GCGR: variants seen among roughly 807,000 people sequenced by gnomAD.
GCGR encodes the protein glucagon receptor.
In GCGR, 41 loss-of-function variants were observed where a neutral mutation model predicts 56.1. The observed-to-expected ratio is 0.73, with a 90% CI of 0.57 to 0.95. GCGR has a LOEUF of 0.95. Ranked by LOEUF, GCGR falls within the 40% of genes least tolerant of loss-of-function variation. GCGR has a pLI of 0.00. For synonymous variants in GCGR, 278 were observed against 271.1 expected (o/e 1.03, Z -0.25); for missense variants, 595 against 638.2 (o/e 0.93, Z 0.73).
In GCGR at chr17:81,812,908, C is replaced by G; in HGVS notation, c.1139C>G (p.Ala380Gly). 8.5e-6 allele frequency: 13 copies of G among 1,536,138 alleles called. No individual in the cohort carries two copies. Among genetic ancestry groups the G allele is most frequent in the Non-Finnish European group, 1.1e-5 (13 of 1,146,772 alleles). ...DEHAQGTLRS[A>G]KLFFDLFLSS... ...CACGCCCAGGGCACCCTGCGCTCCGCCAAGCTCTTCTTCGACCTCTTCCTC... is the reference window on the plus strand; with the variant it reads ...CACGCCCAGGGCACCCTGCGCTCCGGCAAGCTCTTCTTCGACCTCTTCCTC... Residue 380 changes from alanine to glycine, a missense_variant, in exon 12 of 14, where the codon GCC becomes GGC. Transcript: ENST00000400723. The surrounding 1 kb of genome is among the most constrained non-coding windows in gnomAD (Gnocchi z 8.5).
rs961678918 is a variant in GCGR at position 81,804,507 on chromosome 17, G to A, written c.-178+258G>A. On this transcript the variant is annotated intron_variant, in intron 1 of 13. Transcript: ENST00000400723. This position sits in a 1 kb window ranked among gnomAD's most constrained non-coding sequence, Gnocchi z 8.2. ...CTCCCCCGTTCTCTGGTCCTGGGGG[G>A]CGCGGCTGGGGGCGGGGGTGTCGCT... is the stretch of plus-strand genomic sequence containing the variant. 2.0e-5 allele frequency among the ~76,000 whole-genome samples: 3 copies of A among 151,890 alleles called. No individual in the cohort carries two copies. Among genetic ancestry groups the A allele is most frequent in the Admixed American group, 6.6e-5 (1 of 15,264 alleles).
rs2037974515 is a variant in GCGR, at chr17:81,806,789, C to T, written c.-177-2053C>T. On this transcript the variant is annotated intron_variant, in intron 1 of 13. Transcript: ENST00000400723. The surrounding 1 kb of genome is among the most constrained non-coding windows in gnomAD (Gnocchi z 6.5). ...TCCCCCCAGGGTGAGCACGCGTCCC[C>T]CCCCACCCCCACTTCGAGGCGCCCA... Among the ~76,000 whole-genome samples the T allele has an allele frequency of 6.6e-6, 1 of 151,848 alleles. No homozygotes were observed. The highest frequency in any genetic ancestry group is 1.5e-5 in the Non-Finnish European group (1 of 67,908).
Position 81,812,793 on chromosome 17 carries a change from C to T in GCGR, c.1038-14C>T, listed in dbSNP as rs574578390. 30 of 1,535,494 alleles carry T rather than the reference C, an allele frequency of 2.0e-5. No homozygotes were observed. In the East Asian group the frequency reaches 3.7e-4, roughly 19 times the overall value. On this transcript the variant is annotated splice_polypyrimidine_tract_variant and intron_variant, in intron 11 of 13. Transcript: ENST00000400723. This position sits in a 1 kb window ranked among gnomAD's most constrained non-coding sequence, Gnocchi z 8.5. ...GGGTGGGGGCGGTGGGTGACTCAGG[C>T]GCTGCCTCTGCAGGCTGGCCAAGTC...
rs1046896088 is a variant in GCGR at position 81,811,563 on chromosome 17, G to C, written c.657+3G>C. 24 of 1,536,256 alleles carry C rather than the reference G, an allele frequency of 1.6e-5. No homozygotes were observed. The highest frequency in any genetic ancestry group is 2.1e-5 in the Non-Finnish European group (24 of 1,146,842). The stretch of plus-strand genomic sequence containing the variant: ...TCAGCACCTGGCTCAGTGATGGAGT[G>C]AGCCCCCCTCGGCGGCCCCAGGCAG... On this transcript the variant is annotated splice_donor_region_variant and intron_variant, in intron 7 of 13. Transcript: ENST00000400723. The surrounding 1 kb of genome is among the most constrained non-coding windows in gnomAD (Gnocchi z 5.8).
Position 81,804,378 on chromosome 17 carries a change from C to A in GCGR, c.-178+129C>A. 6.5e-6 allele frequency: 1 copy of A among 152,992 alleles called. No homozygotes were observed. The highest frequency in any genetic ancestry group is 1.8e-4 in the South Asian group (1 of 5,538). 9.5% of individuals were successfully genotyped at this position (152,992 alleles called of 1,614,324 possible). A position where few individuals can be genotyped will look rare whatever the true frequency, so the allele number is the denominator to read the frequency against. On this transcript the variant is annotated intron_variant, in intron 1 of 13. Transcript: ENST00000400723. The surrounding 1 kb of genome is among the most constrained non-coding windows in gnomAD (Gnocchi z 8.2). ...GAGCCGGCCGGGCGGTCTCCGGGGT[C>A]CGGGCTGGTGCGCTCCTCAGTCCCG...
At position 81,811,020 on chromosome 17, in the gene GCGR, C is replaced by T. The variant is rs1180343377; in HGVS notation, c.282C>T (p.Arg94=). 6.5e-7 allele frequency: 1 copy of T among 1,536,058 alleles called. No individual in the cohort carries two copies. Among genetic ancestry groups the T allele is most frequent in the East Asian group, 2.4e-5 (1 of 40,914 alleles). Residue 94 remains arginine, a synonymous_variant, in exon 5 of 14, where the codon CGC becomes CGT. Transcript: ENST00000400723. This position sits in a 1 kb window ranked among gnomAD's most constrained non-coding sequence, Gnocchi z 5.8. ...YLPWHHKVQH[R]FVFKRCGPDG... is the part of the protein sequence containing the mutation. ...CCCCCACACCCCCAGTGCAACACCG[C>T]TTCGTGTTCAAGAGATGCGGGCCCG...
chr17:81,812,566 T>G lies in GCGR; in HGVS notation c.949-11T>G. 1 of 1,536,172 alleles carries G rather than the reference T, an allele frequency of 6.5e-7. No homozygotes were observed. Among genetic ancestry groups the G allele is most frequent in the Non-Finnish European group, 8.7e-7 (1 of 1,146,588 alleles). ...CTCGGGATGCCCCTGACTCGCACCC[T>G]TCTCACACAGATCAACTTCTTCATC... On this transcript the variant is annotated splice_polypyrimidine_tract_variant and intron_variant, in intron 10 of 13. Transcript: ENST00000400723. The surrounding 1 kb of genome is among the most constrained non-coding windows in gnomAD (Gnocchi z 8.5).
In GCGR at chr17:81,813,992, A is replaced by C; in HGVS notation, c.*303A>C. 2.7e-5 allele frequency: 11 copies of C among 405,172 alleles called. No individual in the cohort carries two copies. The highest frequency in any genetic ancestry group is 7.1e-4 in the Middle Eastern group (1 of 1,408). 25.1% of individuals were successfully genotyped at this position (405,172 alleles called of 1,614,324 possible). On this transcript the variant is annotated 3_prime_UTR_variant, in exon 14 of 14. Transcript: ENST00000400723. This position sits in a 1 kb window ranked among gnomAD's most constrained non-coding sequence, Gnocchi z 5.3. Reference sequence around the variant, plus strand: ...TGCATGGAAATGTCCTCCAACAATAAAGAGCTCAAGTGGTCACCGTGCATG... The same window carrying C: ...TGCATGGAAATGTCCTCCAACAATACAGAGCTCAAGTGGTCACCGTGCATG...
chr17:81,805,814 C>T (rs914915918), intron 1 of GCGR, among the ~76,000 whole-genome samples: 3 of 152,186 alleles, frequency 2.0e-5, no homozygotes, highest in Non-Finnish European at 4.4e-5. Context: ...GTCCCACCTA[C>T]CAGCTGTGTC....
intron 1 of GCGR, 55 bp from the exon 2 acceptor site, chr17:81,808,787 G>A: frequency 1.7e-6 from 1 of 585,262 alleles, no homozygotes; most frequent in Non-Finnish European, 3.0e-6. Context: ...CCAAAGTTCT[G>A]GGATTACAGG....
In GCGR at chr17:81,811,927, TGTC is replaced by T. The variant is rs1481444307; in HGVS notation, c.860_862del (p.Cys287del). On this transcript the variant is annotated inframe_deletion, in exon 9 of 14. Transcript: ENST00000400723. This position sits in a 1 kb window ranked among gnomAD's most constrained non-coding sequence, Gnocchi z 5.8. ...CGTCGTCCCCTGGGCAGTGGTCAAGTGTCTGTTCGAGAACGTCCAGTGAGTATG... is the reference window on the plus strand; with the variant it reads ...CGTCGTCCCCTGGGCAGTGGTCAAGTTGTTCGAGAACGTCCAGTGAGTATG... The T allele has an allele frequency of 6.5e-7, 1 of 1,536,988 alleles. No individual in the cohort carries two copies. Among genetic ancestry groups the T allele is most frequent in the Non-Finnish European group, 8.7e-7 (1 of 1,146,858 alleles).
chr17:81,806,432 C>T lies in GCGR; in HGVS notation c.-178+2183C>T, dbSNP rs1388193545. On this transcript the variant is annotated intron_variant, in intron 1 of 13. Coordinates refer to ENST00000400723, the MANE Select transcript of GCGR (RefSeq NM_000160.5). The surrounding 1 kb of genome is among the most constrained non-coding windows in gnomAD (Gnocchi z 6.5). ...CTCCAGGATCCCCAGCCCCACCTTC[C>T]CAACCTTCTGTTGAGGCTGAGGGGA... Among the ~76,000 whole-genome samples the T allele has an allele frequency of 6.6e-6, 1 of 152,254 alleles. No individual in the cohort carries two copies. Among genetic ancestry groups the T allele is most frequent in the East Asian group, 1.9e-4 (1 of 5,162 alleles).
chr17:81,812,417 G>A lies in GCGR; in HGVS notation c.949-160G>A, dbSNP rs921162461. ...AGCACCCTGGACACTGAGCCAGGCT[G>A]TTCCTCCCTGGCTGTGTGCCCACCA... On this transcript the variant is annotated intron_variant, in intron 10 of 13. Coordinates refer to ENST00000400723, the MANE Select transcript of GCGR (RefSeq NM_000160.5). This position sits in a 1 kb window ranked among gnomAD's most constrained non-coding sequence, Gnocchi z 8.5. 2 of 1,042,018 alleles carry A rather than the reference G, an allele frequency of 1.9e-6. No individual in the cohort carries two copies. Among genetic ancestry groups the A allele is most frequent in the Non-Finnish European group, 2.8e-6 (2 of 720,514 alleles). The allele number at this position is 1,042,018 out of a possible 1,614,324, so 64.5% of individuals were successfully genotyped here.
Position 81,810,234 on chromosome 17 carries a change from C to T in GCGR, c.163+350C>T. ...GGCGTGGAAGCTGGGACCCAGGGGC[C>T]TGGGAGGGCTCGGGTGGAGAGTGTA... On this transcript the variant is annotated intron_variant, in intron 3 of 13. Coordinates refer to ENST00000400723, the MANE Select transcript of GCGR (RefSeq NM_000160.5). The surrounding 1 kb of genome is among the most constrained non-coding windows in gnomAD (Gnocchi z 4.6). 1 of 410,296 alleles carries T rather than the reference C, an allele frequency of 2.4e-6. No individual in the cohort carries two copies. The highest frequency in any genetic ancestry group is 2.1e-5 in the South Asian group (1 of 47,588). 25.4% of individuals were successfully genotyped at this position (410,296 alleles called of 1,614,324 possible).
chr17:81,804,863 C>T lies in GCGR; in HGVS notation c.-178+614C>T, dbSNP rs149501260. ...CCCCACCACCCGGCCGACTCGGCCA[C>T]CGGGCTTATGCTCCGACTCTGAACC... is the stretch of plus-strand genomic sequence containing the variant. On this transcript the variant is annotated intron_variant, in intron 1 of 13. Coordinates refer to ENST00000400723, the MANE Select transcript of GCGR (RefSeq NM_000160.5). The surrounding 1 kb of genome is among the most constrained non-coding windows in gnomAD (Gnocchi z 8.2). 6.6e-6 allele frequency among the ~76,000 whole-genome samples: 1 copy of T among 151,976 alleles called. No individual in the cohort carries two copies. Among genetic ancestry groups the T allele is most frequent in the Non-Finnish European group, 1.5e-5 (1 of 67,946 alleles).
rs1426204656 is a variant in GCGR, at chr17:81,813,529, G to A, written c.1274G>A (p.Trp425Ter). ...WHRWRLGKVL[W>*]EERNTSNHRA... ...CGCTGGCGCCTGGGCAAAGTGCTAT[G>A]GGAGGAGCGGAACACCAGCAACCAC... is the stretch of plus-strand genomic sequence containing the variant. The change falls in exon 14 of 14, where the codon TGG (tryptophan) becomes TAG (stop). Residue 425 changes from tryptophan to a stop codon, truncating the protein, a stop_gained. Coordinates refer to ENST00000400723, the MANE Select transcript of GCGR (RefSeq NM_000160.5). LOFTEE classifies it low-confidence loss of function (END_TRUNC). The surrounding 1 kb of genome is among the most constrained non-coding windows in gnomAD (Gnocchi z 5.3). The A allele has an allele frequency of 3.9e-6, 6 of 1,536,108 alleles. No individual in the cohort carries two copies. Among genetic ancestry groups the A allele is most frequent in the Non-Finnish European group, 5.2e-6 (6 of 1,146,784 alleles).
chr17:81,811,104 G>A lies in GCGR; in HGVS notation c.366G>A (p.Gln122=). The A allele has an allele frequency of 6.5e-7, 1 of 1,536,260 alleles. No individual in the cohort carries two copies. The highest frequency in any genetic ancestry group is 8.7e-7 in the Non-Finnish European group (1 of 1,146,838). ...CTTGGCGTGATGCCTCCCAGTGCCA[G>A]ATGGATGGCGAGGAGATTGAGGTCC... The part of the protein sequence containing the change: ...GQPWRDASQC[Q]MDGEEIEVQK... Residue 122 remains glutamine, a synonymous_variant, in exon 5 of 14, where the codon CAG becomes CAA. Coordinates refer to ENST00000400723, the MANE Select transcript of GCGR (RefSeq NM_000160.5). This position sits in a 1 kb window ranked among gnomAD's most constrained non-coding sequence, Gnocchi z 5.8.
At chr17:81,808,746 C>T in intron 1 of GCGR, 96 bp from the exon 2 acceptor site, 1 of 541,968 alleles carries the variant, frequency 1.8e-6, no homozygotes, top group Non-Finnish European at 3.3e-6. Flanking sequence ...GTCTCGATCT[C>T]CAGACCTCGT....
At position 81,811,576 on chromosome 17, in the gene GCGR, CG is replaced by C; in HGVS notation, c.657+18del. ...CAGTGATGGAGTGAGCCCCCCTCGG[CG>C]GCCCCAGGCAGGTGGGTGGGTGGGC... On this transcript the variant is annotated intron_variant, in intron 7 of 13. Coordinates refer to ENST00000400723, the MANE Select transcript of GCGR (RefSeq NM_000160.5). This position sits in a 1 kb window ranked among gnomAD's most constrained non-coding sequence, Gnocchi z 5.8. 1.4e-5 allele frequency: 21 copies of C among 1,536,130 alleles called. No homozygotes were observed. The highest frequency in any genetic ancestry group is 1.8e-5 in the Non-Finnish European group (21 of 1,146,802).
Sources: allele counts gnomAD v4.1 joint callset (sites outside exome capture counted in the v4.1 genomes callset), GRCh38; gene constraint gnomAD v4.1.1; non-coding constraint Gnocchi (gnomAD v3.1); transcripts MANE v1.5; gene names NCBI Gene and HGNC (gene_info 2026-07-23, HGNC 2026-07-21).